Variants in TDRD3 observed in about 807,000 individuals in gnomAD.
TDRD3 encodes the protein tudor domain-containing protein 3.
A neutral mutation model predicts 86.7 loss-of-function variants in TDRD3; 45 were observed. The observed-to-expected ratio is 0.52, with a 90% confidence interval of 0.41 to 0.67. TDRD3 has a LOEUF of 0.67. Among genes scored for constraint, TDRD3 ranks in the 30% least tolerant of loss-of-function variants. TDRD3 has a pLI of 0.00. For missense variants in TDRD3, 814 were observed against 889.0 expected (o/e 0.92, Z 1.07); for synonymous variants, 298 against 301.7 (o/e 0.99, Z 0.13).
intron 12 of TDRD3, among the ~76,000 whole-genome samples, chr13:60,552,875 G>T (rs1958098686): frequency 6.6e-6 from 1 of 152,234 alleles, no homozygotes; most frequent in Admixed American, 6.5e-5. Context: ...AGCCATGGCT[G>T]GAGCTGGGGT....
At chr13:60,424,752 A>G (rs1375007782) in intron 1 of TDRD3, among the ~76,000 whole-genome samples, 3 of 152,188 alleles carry the variant, frequency 2.0e-5, no homozygotes, top group Non-Finnish European at 4.4e-5. Flanking sequence ...CATCACTACT[A>G]TCTAATTCAA....
chr13:60,424,272 C>CTCCT, intron 1 of TDRD3, among the ~76,000 whole-genome samples: 1 of 152,134 alleles, frequency 6.6e-6, no homozygotes, highest in Non-Finnish European at 1.5e-5. Context: ...CCACCCACCT[C>CTCCT]GGCCTCCCAA....
Position 60,557,823 on chromosome 13 carries a change from T to A in TDRD3, c.2119-9702T>A, listed in dbSNP as rs1401011114. Reference sequence around the variant, plus strand: ...ATAAAGGATTTTTTTTTTCCTGATTTTTTTTTTTTTTTTTTTTTTGAGACA... The same window carrying A: ...ATAAAGGATTTTTTTTTTCCTGATTATTTTTTTTTTTTTTTTTTTGAGACA... On this transcript the variant is annotated intron_variant, in intron 12 of 13. Transcript: ENST00000377881. 3.2e-3 allele frequency among the ~76,000 whole-genome samples: 413 copies of A among 128,420 alleles called. 2 individuals are homozygous for A. The East Asian group carries it at 0.043, about 13-fold the overall frequency. The allele number at this position is 128,420 out of a possible 152,430, so 84.2% of individuals were successfully genotyped here. A position where few individuals can be genotyped will look rare whatever the true frequency, so the allele number is the denominator to read the frequency against.
chr13:60,529,560 G>A (rs965813631), intron 11 of TDRD3, among the ~76,000 whole-genome samples: 2 of 152,024 alleles, frequency 1.3e-5, no homozygotes, highest in African/African-American at 4.8e-5. Flanking sequence ...AAATTACACT[G>A]ATTCACAAGG....
chr13:60,534,099 C>T (rs1457331700), intron 11 of TDRD3, among the ~76,000 whole-genome samples: 5 of 152,076 alleles, frequency 3.3e-5, no homozygotes, highest in Non-Finnish European at 7.4e-5. Context: ...TCACTTGAGG[C>T]CAAGAGTTTG....
Position 60,464,261 on chromosome 13 carries a change from G to C in TDRD3, c.354-2977G>C, listed in dbSNP as rs1013794466. On this transcript the variant is annotated intron_variant, in intron 4 of 13. Coordinates refer to ENST00000377881, the MANE Select transcript of TDRD3 (RefSeq NM_001146070.2). ...ATAGACTAAGACAATAGCAAATGCT[G>C]TTGAGGATGCAGAGAAAGGGGAATG... Among the ~76,000 whole-genome samples, 4 of 152,162 alleles carry C rather than the reference G, an allele frequency of 2.6e-5. 1 individual carries two copies. The highest frequency in any genetic ancestry group is 2.6e-4 in the Admixed American group (4 of 15,266).
chr13:60,485,610 C>G (rs1043512506), intron 6 of TDRD3, among the ~76,000 whole-genome samples, 189 bp from the exon 7 acceptor site: 1 of 151,928 alleles, frequency 6.6e-6, no homozygotes, highest in African/African-American at 2.4e-5. Flanking sequence ...TTACTAGTTA[C>G]GTTTATTGAA....
At chr13:60,526,616 G>GTT (rs76831708) in intron 10 of TDRD3, among the ~76,000 whole-genome samples, 41 of 132,218 alleles carry the variant, frequency 3.1e-4, no homozygotes, top group African/African-American at 7.7e-4. Flanking sequence ...TTGGGGGAAA[G>GTT]TTTTTTTTTT....
At chr13:60,423,535 A>G (rs1267628230) in intron 1 of TDRD3, among the ~76,000 whole-genome samples, 24 of 152,190 alleles carry the variant, frequency 1.6e-4, no homozygotes, top group Admixed American at 1.5e-3. Context: ...ATTATATATT[A>G]TGTCATAAGG....
chr13:60,527,447 G>A (rs1341315418), intron 10 of TDRD3, among the ~76,000 whole-genome samples: 1 of 152,084 alleles, frequency 6.6e-6, no homozygotes, highest in African/African-American at 2.4e-5. Context: ...GGAAATATAA[G>A]AATAATTACA....
At chr13:60,535,041 TC>T in intron 11 of TDRD3, 66 bp from the exon 12 acceptor site, 3 of 1,567,044 alleles carry the variant, frequency 1.9e-6, no homozygotes, top group Non-Finnish European at 2.6e-6. Flanking sequence ...AATTTACATT[TC>T]CCTCAAATAT....
chr13:60,416,151 C>G (rs1244816545), intron 1 of TDRD3, among the ~76,000 whole-genome samples: 1 of 152,018 alleles, frequency 6.6e-6, no homozygotes, highest in Admixed American at 6.5e-5. Flanking sequence ...CAAATCATGG[C>G]AAAAATGATC....
At chr13:60,475,668 T>C (rs1025520212) in intron 5 of TDRD3, among the ~76,000 whole-genome samples, 2 of 152,226 alleles carry the variant, frequency 1.3e-5, no homozygotes, top group African/African-American at 4.8e-5. Flanking sequence ...AGCAACTGTG[T>C]ATGTGTATTT....
In TDRD3 at chr13:60,437,923, A is replaced by G. The variant is rs539147319; in HGVS notation, c.42-1765A>G. 2.2e-3 allele frequency among the ~76,000 whole-genome samples: 339 copies of G among 152,204 alleles called. 1 individual carries two copies. Among genetic ancestry groups the G allele is most frequent in the Non-Finnish European group, 4.0e-3 (270 of 67,988 alleles). On this transcript the variant is annotated intron_variant, in intron 1 of 13. Coordinates refer to ENST00000377881, the MANE Select transcript of TDRD3 (RefSeq NM_001146070.2). ...ATATTATTCCTAGAAGGTGCTTCAC[A>G]CTTACTCACTTCCATGTTTTTGATT...
rs1339973715 is a variant in TDRD3 at position 60,496,343 on chromosome 13, A to ATATATC, written c.858+1769_858+1770insATATCT. Among the ~76,000 whole-genome samples, 47 of 91,542 alleles carry ATATATC rather than the reference A, an allele frequency of 5.1e-4. 1 individual carries two copies. The highest frequency in any genetic ancestry group is 8.2e-4 in the Non-Finnish European group (38 of 46,602). The allele number at this position is 91,542 out of a possible 152,430, so 60.1% of individuals were successfully genotyped here. A position where few individuals can be genotyped will look rare whatever the true frequency, so the allele number is the denominator to read the frequency against. The stretch of plus-strand genomic sequence containing the variant: ...TATATATATATATATATATATATAT[A>ATATATC]TCCTCTAAAGTTTTGTCCCTCTAAA... On this transcript the variant is annotated intron_variant, in intron 8 of 13. Transcript: ENST00000377881.
At chr13:60,420,433 G>A (rs1244168809) in intron 1 of TDRD3, among the ~76,000 whole-genome samples, 1 of 150,122 alleles carries the variant, frequency 6.7e-6, no homozygotes, top group East Asian at 2.0e-4. Flanking sequence ...AAGAATTGTT[G>A]CCTACTTCAA....
intron 12 of TDRD3, among the ~76,000 whole-genome samples, chr13:60,540,651 A>G (rs1479587601): frequency 6.6e-6 from 1 of 152,204 alleles, no homozygotes; most frequent in Non-Finnish European, 1.5e-5. Flanking sequence ...TTCAATGGGG[A>G]CATTTTAATT....
chr13:60,493,568 C>T (rs1956649044), intron 7 of TDRD3, among the ~76,000 whole-genome samples: 1 of 152,044 alleles, frequency 6.6e-6, no homozygotes, highest in South Asian at 2.1e-4. Context: ...GAGGCTGAGA[C>T]AGGATAATCA....
intron 8 of TDRD3, among the ~76,000 whole-genome samples, chr13:60,504,166 ACT>A (rs1457199128): frequency 1.1e-4 from 17 of 152,296 alleles, no homozygotes; most frequent in Admixed American, 2.6e-4. Context: ...TGAGATAATC[ACT>A]CATCCCTGGG....
Sources: gnomAD v4.1 joint callset for allele counts (sites outside exome capture counted in the v4.1 genomes callset) on GRCh38, gnomAD v4.1.1 for gene constraint, MANE v1.5 for transcripts, NCBI Gene and HGNC (gene_info 2026-07-23, HGNC 2026-07-21) for gene names.